The following NEGR1 variants were observed in gnomAD, a reference collection of about 807,000 sequenced individuals.
NEGR1 encodes the protein neuronal growth regulator 1.
NEGR1 carries 10 observed loss-of-function variants against 40.9 expected under a neutral mutation model. The observed-to-expected ratio is 0.24, with a 90% CI of 0.15 to 0.42. NEGR1 has a LOEUF of 0.42. Ranked by LOEUF, NEGR1 falls within the 10% of genes least tolerant of loss-of-function variation. The probability of loss-of-function intolerance (pLI) is 1.00; values close to 1 mark genes in which losing one functional copy is unlikely to be tolerated. For synonymous variants in NEGR1, 185 were observed against 166.8 expected (o/e 1.11, Z -0.84); for missense variants, 352 against 438.9 (o/e 0.80, Z 1.77).
intron 3 of NEGR1, among the ~76,000 whole-genome samples, chr1:71,730,748 T>C (rs187281940): frequency 1.3e-3 from 190 of 151,794 alleles, no homozygotes; most frequent in Non-Finnish European, 2.2e-3. Context: ...AAAGTTATTC[T>C]CAATATTCAC....
At chr1:72,211,680 T>C (rs564744636) in intron 1 of NEGR1, among the ~76,000 whole-genome samples, 223 of 151,544 alleles carry the variant, frequency 1.5e-3, no homozygotes, top group Non-Finnish European at 2.5e-3. Context: ...TAATAATAAA[T>C]GTTTTAAAGT....
At chr1:72,041,188 G>A (rs147198646) in intron 1 of NEGR1, among the ~76,000 whole-genome samples, 93 of 151,978 alleles carry the variant, frequency 6.1e-4, no homozygotes, top group Middle Eastern at 6.8e-3. Context: ...TTGTATACCT[G>A]TTATTTGTAA....
chr1:72,183,106 G>C (rs1031406842), intron 1 of NEGR1, among the ~76,000 whole-genome samples: 4 of 151,994 alleles, frequency 2.6e-5, no homozygotes, highest in Admixed American at 6.6e-5. Context: ...GACTTAATGA[G>C]ACTGAAAAGA....
At chr1:71,567,516 C>A (rs1648656916) in intron 6 of NEGR1, among the ~76,000 whole-genome samples, 2 of 152,144 alleles carry the variant, frequency 1.3e-5, no homozygotes, top group African/African-American at 2.4e-5. Context: ...TATGTAGCTG[C>A]TTTTCTGATT....
chr1:72,140,207 G>A (rs1650618158), intron 1 of NEGR1, among the ~76,000 whole-genome samples: 1 of 139,292 alleles, frequency 7.2e-6, no homozygotes, highest in Non-Finnish European at 1.5e-5. Flanking sequence ...TGCTCTTCAG[G>A]ACTTAAGATA....
At chr1:72,026,110 CAAAAAAAAAAAAAAA>C (rs1172589239) in intron 1 of NEGR1, among the ~76,000 whole-genome samples, 396 of 31,170 alleles carry the variant, frequency 0.013, 8 homozygotes, top group Non-Finnish European at 0.019. Context: ...GACTCCGTCT[CAAAAAAAAAAAAAAA>C]AAAAAAAAAA....
At chr1:71,546,225 T>A (rs1423622136) in intron 6 of NEGR1, among the ~76,000 whole-genome samples, 2 of 151,672 alleles carry the variant, frequency 1.3e-5, no homozygotes, top group African/African-American at 4.8e-5. Flanking sequence ...GCAAAAACAA[T>A]TTCCAGACAC....
intron 5 of NEGR1, among the ~76,000 whole-genome samples, chr1:71,604,033 G>T (rs572723390): frequency 6.6e-6 from 1 of 152,108 alleles, no homozygotes; most frequent in African/African-American, 2.4e-5. Context: ...TAAAAATAGA[G>T]AGATGCTCAT....
At chr1:71,863,721 G>A (rs1459554492) in intron 2 of NEGR1, among the ~76,000 whole-genome samples, 1 of 152,138 alleles carries the variant, frequency 6.6e-6, no homozygotes, top group African/African-American at 2.4e-5. Context: ...TTCAAAAGCA[G>A]ATGGCTCCTC....
At chr1:71,886,472 AAAGG>A (rs1440768481) in intron 2 of NEGR1, among the ~76,000 whole-genome samples, 2 of 151,346 alleles carry the variant, frequency 1.3e-5, no homozygotes, top group Admixed American at 6.6e-5. Flanking sequence ...AAAAAAAAAC[AAAGG>A]AAGGAAGGGA....
intron 6 of NEGR1, among the ~76,000 whole-genome samples, chr1:71,426,466 A>G (rs1417052111): frequency 6.6e-6 from 1 of 152,224 alleles, no homozygotes; most frequent in Non-Finnish European, 1.5e-5. Context: ...AGTCACGATG[A>G]CAAATCAGCC....
chr1:72,162,379 T>C (rs1444795751), intron 1 of NEGR1, among the ~76,000 whole-genome samples: 1 of 152,132 alleles, frequency 6.6e-6, no homozygotes, highest in African/African-American at 2.4e-5. Flanking sequence ...GCAGAATTGC[T>C]TGAACCCGGG....
In NEGR1 at chr1:71,528,927, C is replaced by G. The variant is rs1647279806; in HGVS notation, c.940+63890G>C. On this transcript the variant is annotated intron_variant, in intron 6 of 6. Coordinates refer to ENST00000357731, the MANE Select transcript of NEGR1 (RefSeq NM_173808.3). ...GCCATTTTAAAATAGTGACACTGTA[C>G]AAGTCCAACTTAAGAGTCTACATTG... is the stretch of plus-strand genomic sequence containing the variant. Among the ~76,000 whole-genome samples, 3 of 151,198 alleles carry G rather than the reference C, an allele frequency of 2.0e-5. No homozygotes were observed. The South Asian group carries it at 6.2e-4, about 31-fold the overall frequency.
intron 2 of NEGR1, among the ~76,000 whole-genome samples, chr1:71,782,893 G>C (rs905234581): frequency 1.3e-5 from 2 of 151,982 alleles, no homozygotes; most frequent in African/African-American, 4.8e-5. Context: ...CTTTTGCCAT[G>C]CAAACCCAGA....
At chr1:71,868,734 T>C (rs1439106017) in intron 2 of NEGR1, among the ~76,000 whole-genome samples, 2 of 152,004 alleles carry the variant, frequency 1.3e-5, no homozygotes, top group African/African-American at 2.4e-5. Flanking sequence ...ACACTTCTAC[T>C]CCTTCCTCTC....
intron 1 of NEGR1, among the ~76,000 whole-genome samples, chr1:71,953,449 T>C (rs1021187156): frequency 4.6e-5 from 7 of 152,014 alleles, no homozygotes; most frequent in Non-Finnish European, 8.8e-5. Context: ...TTTCTTGAGA[T>C]GGTATCTACC....
chr1:71,862,427 C>A (rs1659977790), intron 2 of NEGR1, among the ~76,000 whole-genome samples: 1 of 151,978 alleles, frequency 6.6e-6, no homozygotes, highest in African/African-American at 2.4e-5. Flanking sequence ...CTCCCTGTTT[C>A]CCTAGACATC....
intron 6 of NEGR1, among the ~76,000 whole-genome samples, chr1:71,426,247 A>G (rs1417076079): frequency 6.6e-6 from 1 of 152,170 alleles, no homozygotes; most frequent in Non-Finnish European, 1.5e-5. Context: ...TTAAGCTGCT[A>G]TTTGCTACTT....
chr1:71,396,165 C>G lies in NEGR1; in HGVS notation c.*11281G>C, dbSNP rs1282392652. On this transcript the variant is annotated 3_prime_UTR_variant, in exon 7 of 7. Transcript: ENST00000357731. ...CTTCCTCTTTCTCTTCTTTTACCCT[C>G]TGTTTCTTTTCTTCTTCCTTTTCCT... 2.6e-5 allele frequency: 4 copies of G among 152,188 alleles called. No homozygotes were observed. Among genetic ancestry groups the G allele is most frequent in the African/African-American group, 9.7e-5 (4 of 41,446 alleles). 9.4% of individuals were successfully genotyped at this position (152,188 alleles called of 1,614,324 possible).
Sources: allele counts gnomAD v4.1 joint callset (sites outside exome capture counted in the v4.1 genomes callset), GRCh38; gene constraint gnomAD v4.1.1; transcripts MANE v1.5; gene names NCBI Gene and HGNC (gene_info 2026-07-23, HGNC 2026-07-21).